Variants in HTR2C observed in about 807,000 individuals in gnomAD.
The protein encoded by HTR2C is 5-hydroxytryptamine receptor 2C.
In HTR2C, 5 loss-of-function variants were observed where a neutral mutation model predicts 21.0. The observed-to-expected ratio is 0.24, with a 90% confidence interval of 0.12 to 0.50. HTR2C has a LOEUF of 0.50. Ranked by LOEUF, HTR2C falls within the 20% of genes least tolerant of loss-of-function variation. The probability of loss-of-function intolerance (pLI) is 0.98; values close to 1 mark genes in which losing one functional copy is unlikely to be tolerated. For missense variants in HTR2C, 271 were observed against 371.2 expected (o/e 0.73, Z 2.22); for synonymous variants, 150 against 145.3 (o/e 1.03, Z -0.23).
At chrX:114,822,630 G>C (rs2070644893) in intron 4 of HTR2C, among the ~76,000 whole-genome samples, 1 of 112,331 alleles carries the variant, frequency 8.9e-6, no homozygotes, top group Non-Finnish European at 1.9e-5. Context: ...AGCTTGAAAG[G>C]AGGTAGCTCA....
chrX:114,719,214 T>G (rs1288294948), intron 2 of HTR2C, among the ~76,000 whole-genome samples: 4 of 109,706 alleles, frequency 3.6e-5, no homozygotes, highest in Non-Finnish European at 7.6e-5. Context: ...TTTGAAAACT[T>G]GAATTTATAA....
intron 2 of HTR2C, among the ~76,000 whole-genome samples, chrX:114,723,830 G>A (rs1569487764): frequency 1.9e-5 from 2 of 103,660 alleles, no homozygotes; most frequent in African/African-American, 6.9e-5. Context: ...GCGGTTTTGA[G>A]TGAGATTCTT....
chrX:114,781,828 A>AAAG (rs1437150289), intron 4 of HTR2C, among the ~76,000 whole-genome samples: 9 of 108,622 alleles, frequency 8.3e-5, no homozygotes, highest in Non-Finnish European at 5.7e-5. Context: ...AAAAAAAAAA[A>AAAG]GTAACATACA....
intron 5 of HTR2C, among the ~76,000 whole-genome samples, chrX:114,856,682 G>A (rs1048890165): frequency 2.2e-4 from 24 of 111,175 alleles, no homozygotes; most frequent in Middle Eastern, 4.2e-3. Flanking sequence ...TCTTACATAG[G>A]TTGTTAAGAA....
intron 2 of HTR2C, among the ~76,000 whole-genome samples, chrX:114,644,344 A>AAAAT (rs1295592092): frequency 0.023 from 828 of 36,016 alleles, 79 homozygotes; most frequent in Middle Eastern, 0.038. Context: ...GACTCCATCT[A>AAAAT]AAATAAATAA....
intron 2 of HTR2C, among the ~76,000 whole-genome samples, chrX:114,687,196 G>A (rs1931947606): frequency 8.9e-6 from 1 of 112,499 alleles, no homozygotes; most frequent in African/African-American, 3.2e-5. Flanking sequence ...TACTTAGCAT[G>A]TGTAGCAAGA....
intron 2 of HTR2C, among the ~76,000 whole-genome samples, chrX:114,687,938 A>G (rs895122512): frequency 2.7e-5 from 3 of 112,066 alleles, no homozygotes; most frequent in Non-Finnish European, 3.8e-5. Context: ...TTCCTTAAGT[A>G]GGTAATATTT....
intron 4 of HTR2C, among the ~76,000 whole-genome samples, chrX:114,846,384 G>A (rs1556467480): frequency 9.0e-6 from 1 of 111,686 alleles, no homozygotes; most frequent in Admixed American, 9.6e-5. Flanking sequence ...TTATAGATTA[G>A]TATTGTTTAT....
chrX:114,621,892 A>C (rs1556401783), intron 2 of HTR2C, among the ~76,000 whole-genome samples: 1 of 111,662 alleles, frequency 9.0e-6, no homozygotes, highest in East Asian at 2.8e-4. Context: ...CAGAATGAGC[A>C]GTGGGGGATG....
intron 2 of HTR2C, among the ~76,000 whole-genome samples, chrX:114,654,121 G>A (rs1391873378): frequency 1.8e-5 from 2 of 109,750 alleles, no homozygotes; most frequent in Non-Finnish European, 3.8e-5. Context: ...TATGATAAAT[G>A]AAGATGTGAA....
At chrX:114,849,797 C>CA (rs1168073990) in intron 5 of HTR2C, among the ~76,000 whole-genome samples, 7 of 110,976 alleles carry the variant, frequency 6.3e-5, no homozygotes, top group Non-Finnish European at 7.6e-5. Flanking sequence ...CATAAACAAA[C>CA]AAAAAAAACC....
At chrX:114,840,055 A>G (rs2070820250) in intron 4 of HTR2C, among the ~76,000 whole-genome samples, 1 of 111,475 alleles carries the variant, frequency 9.0e-6, no homozygotes, top group South Asian at 3.8e-4. Flanking sequence ...CAAATCCAGC[A>G]TCTCAACGAC....
chrX:114,907,156 A>T lies in HTR2C; in HGVS notation c.1118A>T (p.Lys373Ile). Residue 373 changes from lysine (K) to isoleucine (I), a missense_variant, in exon 6 of 6, where the codon AAA (lysine) becomes ATA (isoleucine). By Grantham distance (102) the Lys-to-Ile change is moderately radical. This residue lies in a region of HTR2C where 192 missense variants were observed against 247.2 expected (regional missense o/e 0.78). Transcript: ENST00000276198. ...CCTCTGGTGTATACTCTGTTCAACAAAATTTACCGAAGGGCATTCTCCAAC... is the reference window on the plus strand; with the variant it reads ...CCTCTGGTGTATACTCTGTTCAACATAATTTACCGAAGGGCATTCTCCAAC... ...INPLVYTLFN[K>I]IYRRAFSNYL... 1.7e-6 allele frequency: 2 copies of T among 1,211,201 alleles called. No homozygotes were observed. Among genetic ancestry groups the T allele is most frequent in the Non-Finnish European group, 2.2e-6 (2 of 895,154 alleles).
intron 4 of HTR2C, chrX:114,823,454 G>A (rs782628387): frequency 5.8e-6 from 2 of 345,190 alleles, no homozygotes; most frequent in East Asian, 1.8e-4. Context: ...CTTCGCATGG[G>A]CCGGGAGGTT....
intron 2 of HTR2C, among the ~76,000 whole-genome samples, chrX:114,706,906 A>G (rs1932781325): frequency 1.8e-5 from 2 of 111,098 alleles, no homozygotes; most frequent in Admixed American, 9.7e-5. Flanking sequence ...CATATAAATG[A>G]CATAATTTTA....
intron 2 of HTR2C, among the ~76,000 whole-genome samples, chrX:114,676,602 T>C (rs1372274737): frequency 8.9e-6 from 1 of 112,587 alleles, no homozygotes; most frequent in Non-Finnish European, 1.9e-5. Context: ...AATACACATA[T>C]TTTATTTCAT....
At chrX:114,863,614 G>A (rs147895008) in intron 5 of HTR2C, among the ~76,000 whole-genome samples, 1 of 111,567 alleles carries the variant, frequency 9.0e-6, no homozygotes, top group South Asian at 3.7e-4. Context: ...TTCTGCTGCT[G>A]TTGGATGTAA....
At chrX:114,664,464 G>C (rs1931105137) in intron 2 of HTR2C, among the ~76,000 whole-genome samples, 1 of 111,711 alleles carries the variant, frequency 9.0e-6, no homozygotes, top group Admixed American at 9.5e-5. Flanking sequence ...GTGAGAACAT[G>C]CAGTGTTTTG....
intron 1 of HTR2C, among the ~76,000 whole-genome samples, chrX:114,589,445 A>G (rs1927540198): frequency 9.0e-6 from 1 of 111,688 alleles, no homozygotes; most frequent in Non-Finnish European, 1.9e-5. Flanking sequence ...TTGGACCCAC[A>G]GGTTTCTACT....
Sources: gnomAD v4.1 joint callset for allele counts (sites outside exome capture counted in the v4.1 genomes callset) on GRCh38, gnomAD v4.1.1 for gene constraint, gnomAD v4.1.1 regional missense constraint, MANE v1.5 for transcripts, NCBI Gene and HGNC (gene_info 2026-07-23, HGNC 2026-07-21) for gene names.